CLTCL1: variants seen among roughly 807,000 people sequenced by gnomAD.
CLTCL1 encodes clathrin heavy chain like 1, also known as clathrin heavy chain 2.
CLTCL1 carries 159 observed loss-of-function variants against 190.0 expected under a neutral mutation model. That is an observed-to-expected ratio of 0.84 (90% CI 0.74 to 0.95). CLTCL1 has a LOEUF of 0.95. CLTCL1 is among the 40% of genes least tolerant of loss of function. The pLI is 0.00. For synonymous variants in CLTCL1, 752 were observed against 769.6 expected (o/e 0.98, Z 0.38); for missense variants, 1,878 against 2,033.4 (o/e 0.92, Z 1.47).
Position 19,288,230 on chromosome 22 carries a change from T to C in CLTCL1, c.42+3370A>G, listed in dbSNP as rs28644418. Among the ~76,000 whole-genome samples the C allele has an allele frequency of 5.9e-3, 898 of 152,302 alleles. 11 individuals are homozygous for C. The highest frequency in any genetic ancestry group is 0.021 in the African/African-American group (865 of 41,562). On this transcript the variant is annotated intron_variant, in intron 1 of 32. Coordinates refer to ENST00000427926, the MANE Select transcript of CLTCL1 (RefSeq NM_007098.4). The stretch of plus-strand genomic sequence containing the variant: ...TAATAATGGCCCCAAAGTCCAACAG[T>C]AGTGATGCTGGCATATTGTTATTAT...
Position 19,253,339 on chromosome 22 carries a change from G to A in CLTCL1, c.519+620C>T, listed in dbSNP as rs142860381. On this transcript the variant is annotated intron_variant, in intron 3 of 32. Transcript: ENST00000427926. The stretch of plus-strand genomic sequence containing the variant: ...ATTACCAAGGACAGGCCAGCTGACC[G>A]CCCATTTCCCCAAGACCTCCCTCCC... Among the ~76,000 whole-genome samples the A allele has an allele frequency of 3.0e-3, 453 of 152,248 alleles. 2 individuals are homozygous for A. The highest frequency in any genetic ancestry group is 9.5e-3 in the African/African-American group (395 of 41,554).
Position 19,209,068 on chromosome 22 carries a change from G to A in CLTCL1, c.3296C>T (p.Ala1099Val), listed in dbSNP as rs377155728. 1.9e-4 allele frequency: 310 copies of A among 1,608,488 alleles called. No homozygotes were observed. The highest frequency in any genetic ancestry group is 2.4e-4 in the Non-Finnish European group (282 of 1,177,320). ...IGNLDRAYEFAERCNEPAVWS... is the reference protein window; with the variant it reads ...IGNLDRAYEFVERCNEPAVWS... ...CACAGCAGGCTCATTGCATCTCTCCGCAAACTCATATGCCCGGTCCAGGTT... is the reference window on the plus strand; with the variant it reads ...CACAGCAGGCTCATTGCATCTCTCCACAAACTCATATGCCCGGTCCAGGTT... Residue 1099 changes from alanine (A) to valine (V), a missense_variant, in exon 21 of 33, where the codon GCG becomes GTG. Transcript: ENST00000427926.
At chr22:19,222,890 C>A in intron 14 of CLTCL1, 81 bp from the exon 15 acceptor site, 2 of 1,509,274 alleles carry the variant, frequency 1.3e-6, no homozygotes, top group Admixed American at 2.0e-5. Flanking sequence ...ACACATGGGA[C>A]GGCTCTGTCT....
chr22:19,274,435 T>C (rs1304926019), intron 2 of CLTCL1, among the ~76,000 whole-genome samples: 1 of 152,230 alleles, frequency 6.6e-6, no homozygotes, highest in Non-Finnish European at 1.5e-5. Flanking sequence ...TATCCCATAA[T>C]TGTAATAATT....
intron 3 of CLTCL1, among the ~76,000 whole-genome samples, chr22:19,244,782 G>A (rs2086365479): frequency 6.6e-6 from 1 of 152,256 alleles, no homozygotes; most frequent in South Asian, 2.1e-4. Flanking sequence ...GGGCTGCTGA[G>A]TGTTAAGTGT....
chr22:19,211,766 C>CAAA (rs66494838), intron 19 of CLTCL1, among the ~76,000 whole-genome samples: 3 of 42,702 alleles, frequency 7.0e-5, no homozygotes, highest in South Asian at 7.5e-4. Flanking sequence ...GATTGCATCT[C>CAAA]AAAAAAAAAA....
chr22:19,265,660 T>G (rs2087099757), intron 2 of CLTCL1, among the ~76,000 whole-genome samples: 1 of 152,150 alleles, frequency 6.6e-6, no homozygotes, highest in African/African-American at 2.4e-5. Flanking sequence ...TTTGTGATGT[T>G]AGGATGCATT....
chr22:19,222,549 T>C, intron 15 of CLTCL1, 135 bp downstream of exon 15: 1 of 1,017,862 alleles, frequency 9.8e-7, no homozygotes, highest in Non-Finnish European at 1.4e-6. Flanking sequence ...TCTGGCAGTC[T>C]GAGCACACGA....
Position 19,233,220 on chromosome 22 carries a change from G to T in CLTCL1, c.1467C>A (p.Ile489=), listed in dbSNP as rs782535774. The T allele has an allele frequency of 6.2e-7, 1 of 1,613,882 alleles. No homozygotes were observed. The highest frequency in any genetic ancestry group is 1.7e-5 in the Admixed American group (1 of 59,998). ...ATTGGCCTGTTTCTGCAAAACACTG[G>T]ATCACTTTGCTTGGCACATTTGCCC... ...YLRANVPSKV[I]QCFAETGQFQ... The change falls in exon 9 of 33, where the codon ATC becomes ATA. Residue 489 remains isoleucine (I), a synonymous_variant. Coordinates refer to ENST00000427926, the MANE Select transcript of CLTCL1 (RefSeq NM_007098.4).
chr22:19,196,867 C>A (rs1338284107), intron 24 of CLTCL1, among the ~76,000 whole-genome samples: 1 of 152,226 alleles, frequency 6.6e-6, no homozygotes, highest in Non-Finnish European at 1.5e-5. Context: ...CAGTGGCACA[C>A]TGCACTACAA....
chr22:19,191,212 T>C, intron 27 of CLTCL1, 92 bp downstream of exon 27: 1 of 1,515,358 alleles, frequency 6.6e-7, no homozygotes, highest in East Asian at 2.3e-5. Context: ...TGGGGGTCAT[T>C]TCAAAAACTC....
intron 12 of CLTCL1, 90 bp downstream of exon 12, chr22:19,226,129 C>A: frequency 7.0e-7 from 1 of 1,432,042 alleles, no homozygotes; most frequent in Non-Finnish European, 9.5e-7. Flanking sequence ...GCCACAGTTC[C>A]ACAATCACCA....
chr22:19,236,233 A>G (rs1050968211), intron 5 of CLTCL1, among the ~76,000 whole-genome samples: 12 of 152,230 alleles, frequency 7.9e-5, no homozygotes, highest in Non-Finnish European at 1.8e-4. Flanking sequence ...TTTAAAGACA[A>G]TATTTTGTCC....
At chr22:19,180,307 T>A in intron 31 of CLTCL1, 69 bp from the exon 32 acceptor site, 7 of 1,509,102 alleles carry the variant, frequency 4.6e-6, no homozygotes, top group Non-Finnish European at 6.4e-6. Context: ...CCCGCCGGCG[T>A]GCTGCACACT....
At chr22:19,207,590 A>G (rs2085090722) in intron 22 of CLTCL1, 2 of 406,034 alleles carry the variant, frequency 4.9e-6, no homozygotes, top group Non-Finnish European at 8.7e-6. Flanking sequence ...CCCCCATGCC[A>G]CGGACCGCTG....
chr22:19,251,876 A>C (rs2086602503), intron 3 of CLTCL1, among the ~76,000 whole-genome samples: 1 of 152,228 alleles, frequency 6.6e-6, no homozygotes, highest in Non-Finnish European at 1.5e-5. Context: ...CTTGGGGGAA[A>C]GCTTTCAGTT....
chr22:19,193,718 C>T (rs1164515000), intron 26 of CLTCL1, among the ~76,000 whole-genome samples: 7 of 152,204 alleles, frequency 4.6e-5, no homozygotes, highest in African/African-American at 1.4e-4. Flanking sequence ...GCCACAGACC[C>T]TCATGGTGAG....
At chr22:19,258,812 CA>C (rs1429030167) in intron 2 of CLTCL1, 1 of 670,328 alleles carries the variant, frequency 1.5e-6, no homozygotes, top group East Asian at 2.9e-5. Flanking sequence ...ATTGAGCCAG[CA>C]GAAGCAGGGT....
Position 19,183,376 on chromosome 22 carries a change from G to T in CLTCL1, c.4827+14C>A. ...ACACAGGGGCCGGGGAGCTGCAGCC[G>T]GCCCGGCACCTACCTTGCTCAGGTA... On this transcript the variant is annotated intron_variant, in intron 30 of 32. Transcript: ENST00000427926. 6.2e-7 allele frequency: 1 copy of T among 1,608,226 alleles called. No individual in the cohort carries two copies. The highest frequency in any genetic ancestry group is 8.5e-7 in the Non-Finnish European group (1 of 1,176,270).
Sources: allele counts gnomAD v4.1 joint callset (sites outside exome capture counted in the v4.1 genomes callset), GRCh38; gene constraint gnomAD v4.1.1; transcripts MANE v1.5; gene names NCBI Gene and HGNC (gene_info 2026-07-23, HGNC 2026-07-21).